Variants in IRF5 observed in about 807,000 individuals in gnomAD.
IRF5 encodes interferon regulatory factor 5.
In IRF5, 24 loss-of-function variants were observed where a neutral mutation model predicts 55.1. The observed-to-expected ratio is 0.44, with a 90% confidence interval of 0.32 to 0.61. IRF5 has a LOEUF of 0.61. IRF5 is among the 20% of genes least tolerant of loss of function. IRF5 has a pLI of 0.07. For missense variants in IRF5, 499 were observed against 658.5 expected, an observed-to-expected ratio of 0.76 and a Z score of 2.65; for synonymous variants, 258 against 260.2, an observed-to-expected ratio of 0.99 and a Z score of 0.08.
At chr7:128,941,854 C>T (rs183887705) in intron 1 of IRF5, among the ~76,000 whole-genome samples, 7 of 152,308 alleles carry the variant, frequency 4.6e-5, no homozygotes, top group East Asian at 3.9e-4. Context: ...GGGCCGCGCC[C>T]GCAGCATTCA....
chr7:128,948,746 C>T lies in IRF5; in HGVS notation c.1473C>T (p.Ala491=), dbSNP rs1308278884. 1 of 1,612,974 alleles carries T rather than the reference C, an allele frequency of 6.2e-7. No homozygotes were observed. The highest frequency in any genetic ancestry group is 8.5e-7 in the Non-Finnish European group (1 of 1,180,020). Residue 491 remains alanine, a synonymous_variant, in exon 9 of 9, where the codon GCC becomes GCT. Coordinates refer to ENST00000357234, the MANE Select transcript of IRF5 (RefSeq NM_001098629.3). This position sits in a 1 kb window ranked among gnomAD's most constrained non-coding sequence, Gnocchi z 4.6. ...CCCAGCAGCGGTTGCAGCCTGTGGC[C>T]CAGGCCCCTCCTGGAGCAGGCCTTG... The part of the protein sequence containing the change: ...WQSQQRLQPV[A]QAPPGAGLGV...
intron 2 of IRF5, among the ~76,000 whole-genome samples, chr7:128,945,064 T>C (rs1796227098): frequency 6.6e-6 from 1 of 152,218 alleles, no homozygotes; most frequent in African/African-American, 2.4e-5. Context: ...CTCCAGTGTC[T>C]CGAGCCTGTC....
In IRF5 at chr7:128,946,948, G is replaced by A; in HGVS notation, c.448-75G>A. The A allele has an allele frequency of 8.9e-6, 14 of 1,573,772 alleles. No individual in the cohort carries two copies. The highest frequency in any genetic ancestry group is 2.0e-4 in the Middle Eastern group (1 of 4,980). On this transcript the variant is annotated intron_variant, in intron 4 of 8. Coordinates refer to ENST00000357234, the MANE Select transcript of IRF5 (RefSeq NM_001098629.3). The surrounding 1 kb of genome is among the most constrained non-coding windows in gnomAD (Gnocchi z 4.2). ...ATAGTTCTCGCCTGTTATTTCCCCA[G>A]CCCCAGGTCAGTGGAATAACCTGTC... is the stretch of plus-strand genomic sequence containing the variant.
At position 128,942,296 on chromosome 7, in the gene IRF5, T is replaced by C. The variant is rs1394961176; in HGVS notation, c.195+20T>C. 6.3e-7 allele frequency: 1 copy of C among 1,596,422 alleles called. No homozygotes were observed. The highest frequency in any genetic ancestry group is 8.6e-7 in the Non-Finnish European group (1 of 1,169,048). ...TTCAAGGTAAGCCCCGGGGAGGAGGTTGGCTGGACCTCCAGGGCACCCTGT... is the reference window on the plus strand; with the variant it reads ...TTCAAGGTAAGCCCCGGGGAGGAGGCTGGCTGGACCTCCAGGGCACCCTGT... On this transcript the variant is annotated intron_variant, in intron 2 of 8. Transcript: ENST00000357234.
Position 128,948,339 on chromosome 7 carries a change from C to A in IRF5, c.1299+11C>A. 6.4e-7 allele frequency: 1 copy of A among 1,572,770 alleles called. No homozygotes were observed. On this transcript the variant is annotated intron_variant, in intron 8 of 8. Transcript: ENST00000357234. This position sits in a 1 kb window ranked among gnomAD's most constrained non-coding sequence, Gnocchi z 4.6. Reference sequence around the variant, plus strand: ...CTCATTACTGTACAGGTACATCTCCCCTATCCCAAAGTCGGCCTTGGCTTG... The same window carrying A: ...CTCATTACTGTACAGGTACATCTCCACTATCCCAAAGTCGGCCTTGGCTTG...
Position 128,949,234 on chromosome 7 carries a change from TTCC to T in IRF5, c.*419_*421del, listed in dbSNP as rs1796498566. The T allele has an allele frequency of 5.5e-6, 1 of 182,230 alleles. No homozygotes were observed. The highest frequency in any genetic ancestry group is 1.2e-5 in the Non-Finnish European group (1 of 86,498). 11.3% of individuals were successfully genotyped at this position (182,230 alleles called of 1,614,324 possible). A position where few individuals can be genotyped will look rare whatever the true frequency, so the allele number is the denominator to read the frequency against. ...CTGATTTCCCTGGTTTGAGACTCAC[TTCC>T]TCATCTCCCTGTCCTCTGAGATAAT... On this transcript the variant is annotated 3_prime_UTR_variant, in exon 9 of 9. Coordinates refer to ENST00000357234, the MANE Select transcript of IRF5 (RefSeq NM_001098629.3).
chr7:128,948,560 CTT>C lies in IRF5; in HGVS notation c.1300-11_1300-10del. 1 of 1,613,084 alleles carries C rather than the reference CTT, an allele frequency of 6.2e-7. No homozygotes were observed. Among genetic ancestry groups the C allele is most frequent in the Non-Finnish European group, 8.5e-7 (1 of 1,179,958 alleles). On this transcript the variant is annotated splice_polypyrimidine_tract_variant and intron_variant, in intron 8 of 8. Transcript: ENST00000357234. The surrounding 1 kb of genome is among the most constrained non-coding windows in gnomAD (Gnocchi z 4.6). Reference sequence around the variant, plus strand: ...CACAGGTCTCCCTGTCTCATCTCCTCTTTGCCTCCCAGGTGGTGCCTGTAGCA... The same window carrying C: ...CACAGGTCTCCCTGTCTCATCTCCTCTGCCTCCCAGGTGGTGCCTGTAGCA...
Position 128,947,313 on chromosome 7 carries a change from ACTCTGCGGCCGCCTACTCTGCAGC to A in IRF5, c.567_590del (p.Leu190_Pro197del). ...GTGGCCGCCCACTCTGCAGCCGCCC[ACTCTGCGGCCGCCTACTCTGCAGC>A]CGCCCACTCTGCAGCCGCCCGTGGT... On this transcript the variant is annotated inframe_deletion, in exon 6 of 9. Transcript: ENST00000357234. This position sits in a 1 kb window ranked among gnomAD's most constrained non-coding sequence, Gnocchi z 6.5. 2 of 417,826 alleles carry A rather than the reference ACTCTGCGGCCGCCTACTCTGCAGC, an allele frequency of 4.8e-6. No homozygotes were observed. Among genetic ancestry groups the A allele is most frequent in the Non-Finnish European group, 6.8e-6 (2 of 295,136 alleles). The allele number at this position is 417,826 out of a possible 1,614,324, so 25.9% of individuals were successfully genotyped here. A position where few individuals can be genotyped will look rare whatever the true frequency, so the allele number is the denominator to read the frequency against.
chr7:128,947,867 G>T lies in IRF5; in HGVS notation c.926G>T (p.Ser309Ile), dbSNP rs754695057. 1 of 1,614,042 alleles carries T rather than the reference G, an allele frequency of 6.2e-7. No homozygotes were observed. The highest frequency in any genetic ancestry group is 8.5e-7 in the Non-Finnish European group (1 of 1,180,002). Residue 309 changes from serine to isoleucine, a missense_variant, in exon 7 of 9, where the codon AGC (serine) becomes ATC (isoleucine). This residue lies in a region of IRF5 where 194 missense variants were observed against 318.3 expected (regional missense o/e 0.61). Transcript: ENST00000357234. The surrounding 1 kb of genome is among the most constrained non-coding windows in gnomAD (Gnocchi z 6.5). The part of the protein sequence containing the change: ...QEQVELFGPI[S>I]LEQVRFPSPE... Reference sequence around the variant, plus strand: ...CAGGTGGAACTCTTCGGCCCCATAAGCCTGGAGCAAGTGCGCTTCCCCAGC... The same window carrying T: ...CAGGTGGAACTCTTCGGCCCCATAATCCTGGAGCAAGTGCGCTTCCCCAGC...
chr7:128,945,461 G>T (rs1278420057), intron 2 of IRF5, among the ~76,000 whole-genome samples: 1 of 152,214 alleles, frequency 6.6e-6, no homozygotes, highest in African/African-American at 2.4e-5. Context: ...ACTGTGAGGA[G>T]ATCAAGACAA....
Position 128,948,396 on chromosome 7 carries a change from C to A in IRF5, c.1299+68C>A. Reference sequence around the variant, plus strand: ...GGGGAATCCTGGGGCTAGGCCCTTGCCCCAGGCTGGAGGCTCAGGGCTCCC... The same window carrying A: ...GGGGAATCCTGGGGCTAGGCCCTTGACCCAGGCTGGAGGCTCAGGGCTCCC... On this transcript the variant is annotated intron_variant, in intron 8 of 8. Coordinates refer to ENST00000357234, the MANE Select transcript of IRF5 (RefSeq NM_001098629.3). The surrounding 1 kb of genome is among the most constrained non-coding windows in gnomAD (Gnocchi z 4.6). The A allele has an allele frequency of 6.7e-7, 1 of 1,483,160 alleles. No homozygotes were observed. The highest frequency in any genetic ancestry group is 9.1e-7 in the Non-Finnish European group (1 of 1,094,402). The allele number at this position is 1,483,160 out of a possible 1,614,324, so 91.9% of individuals were successfully genotyped here.
intron 1 of IRF5, 49 bp from the exon 2 acceptor site, chr7:128,942,022 C>G: frequency 6.9e-7 from 1 of 1,446,522 alleles, no homozygotes; most frequent in Non-Finnish European, 9.5e-7. Context: ...TACCCTGTCC[C>G]CATCCACCTG....
Position 128,948,369 on chromosome 7 carries a change from C to G in IRF5, c.1299+41C>G, listed in dbSNP as rs1796443880. 1 of 1,515,724 alleles carries G rather than the reference C, an allele frequency of 6.6e-7. No individual in the cohort carries two copies. The highest frequency in any genetic ancestry group is 1.4e-5 in the African/African-American group (1 of 71,818). 93.9% of individuals were successfully genotyped at this position (1,515,724 alleles called of 1,614,324 possible). ...CCCAAAGTCGGCCTTGGCTTGAAAA[C>G]TGGGGAATCCTGGGGCTAGGCCCTT... On this transcript the variant is annotated intron_variant, in intron 8 of 8. Transcript: ENST00000357234. The surrounding 1 kb of genome is among the most constrained non-coding windows in gnomAD (Gnocchi z 4.6).
intron 2 of IRF5, chr7:128,943,122 C>A: frequency 4.6e-6 from 1 of 216,496 alleles, no homozygotes; most frequent in South Asian, 4.6e-5. Flanking sequence ...CAGCCTCGAC[C>A]TCCCAGGCTC....
chr7:128,937,552 C>G (rs1013988100), upstream of IRF5: 2 of 152,334 alleles, frequency 1.3e-5, no homozygotes, highest in Non-Finnish European at 2.9e-5. Context: ...GAGCCACCCT[C>G]GCCAGGGGTG....
At position 128,946,634 on chromosome 7, in the gene IRF5, C is replaced by A; in HGVS notation, c.447+72C>A. The stretch of plus-strand genomic sequence containing the variant: ...GCTGTCCCCATCGGCCTTAGGTTTC[C>A]GCAGCCCCACTCCCATGGAGCCCCG... On this transcript the variant is annotated intron_variant, in intron 4 of 8. Coordinates refer to ENST00000357234, the MANE Select transcript of IRF5 (RefSeq NM_001098629.3). This position sits in a 1 kb window ranked among gnomAD's most constrained non-coding sequence, Gnocchi z 4.2. 1.0e-6 allele frequency: 1 copy of A among 990,430 alleles called. No individual in the cohort carries two copies. The highest frequency in any genetic ancestry group is 1.6e-6 in the Non-Finnish European group (1 of 642,510). The allele number at this position is 990,430 out of a possible 1,614,324, so 61.4% of individuals were successfully genotyped here.
At position 128,942,067 on chromosome 7, in the gene IRF5, G is replaced by A. The variant is rs200004140; in HGVS notation, c.-11-4G>A. On this transcript the variant is annotated splice_polypyrimidine_tract_variant and splice_region_variant and intron_variant, in intron 1 of 8. Coordinates refer to ENST00000357234, the MANE Select transcript of IRF5 (RefSeq NM_001098629.3). ...TGAGGCTCCCCTCTGGCTTTCTCCTGCAGACCCCTCTGCCATGAACCAGTC... is the reference window on the plus strand; with the variant it reads ...TGAGGCTCCCCTCTGGCTTTCTCCTACAGACCCCTCTGCCATGAACCAGTC... The A allele has an allele frequency of 1.4e-4, 222 of 1,588,176 alleles. No individual in the cohort carries two copies. Among genetic ancestry groups the A allele is most frequent in the Admixed American group, 7.0e-5 (4 of 57,492 alleles).
Position 128,946,946 on chromosome 7 carries a change from C to T in IRF5, c.448-77C>T, listed in dbSNP as rs1254402755. 1.3e-6 allele frequency: 2 copies of T among 1,571,010 alleles called. No homozygotes were observed. The highest frequency in any genetic ancestry group is 1.8e-6 in the Non-Finnish European group (2 of 1,142,042). On this transcript the variant is annotated intron_variant, in intron 4 of 8. Transcript: ENST00000357234. The surrounding 1 kb of genome is among the most constrained non-coding windows in gnomAD (Gnocchi z 4.2). Reference sequence around the variant, plus strand: ...TCATAGTTCTCGCCTGTTATTTCCCCAGCCCCAGGTCAGTGGAATAACCTG... The same window carrying T: ...TCATAGTTCTCGCCTGTTATTTCCCTAGCCCCAGGTCAGTGGAATAACCTG...
At chr7:128,941,961 C>G in intron 1 of IRF5, 110 bp from the exon 2 acceptor site, 1 of 749,416 alleles carries the variant, frequency 1.3e-6, no homozygotes, top group Non-Finnish European at 2.1e-6. Context: ...CCTTAAATAC[C>G]TAGATGGACT....
Sources: allele counts gnomAD v4.1 joint callset (sites outside exome capture counted in the v4.1 genomes callset), GRCh38; gene constraint gnomAD v4.1.1; regional missense constraint gnomAD v4.1.1; non-coding constraint Gnocchi (gnomAD v3.1); transcripts MANE v1.5; gene names NCBI Gene and HGNC (gene_info 2026-07-23, HGNC 2026-07-21).